Variants in PCMT1 observed in about 807,000 individuals in gnomAD.
The protein encoded by PCMT1 is protein-L-isoaspartate(D-aspartate) O-methyltransferase.
Under a neutral mutation model 29.2 loss-of-function variants are expected in PCMT1, and 9 were observed. The ratio of observed to expected loss-of-function variants is 0.31; its 90% CI spans 0.19 to 0.54. The LOEUF (loss-of-function observed/expected upper bound fraction) is 0.54. PCMT1 is among the 20% of genes least tolerant of loss of function. The pLI, the probability that PCMT1 is intolerant of heterozygous loss-of-function variation, is 0.95. For synonymous variants in PCMT1, 98 were observed against 97.5 expected (o/e 1.00, Z -0.03); for missense variants, 184 against 282.2 (o/e 0.65, Z 2.49).
intron 6 of PCMT1, among the ~76,000 whole-genome samples, chr6:149,801,620 A>G (rs767520773): frequency 4.0e-5 from 6 of 151,744 alleles, no homozygotes; most frequent in Non-Finnish European, 7.4e-5. Flanking sequence ...CTAATTTTGT[A>G]CTTTTTTAGT....
chr6:149,773,489 C>T (rs1787424830), intron 3 of PCMT1, among the ~76,000 whole-genome samples: 1 of 152,200 alleles, frequency 6.6e-6, no homozygotes, highest in Non-Finnish European at 1.5e-5. Flanking sequence ...TGCCATTCTC[C>T]TGCCTCAGCC....
chr6:149,767,687 C>G (rs908131467), intron 1 of PCMT1, among the ~76,000 whole-genome samples: 10 of 151,336 alleles, frequency 6.6e-5, no homozygotes, highest in African/African-American at 1.7e-4. Flanking sequence ...CTCCTGGACT[C>G]AAGTGATCCA....
chr6:149,799,269 G>A (rs1440700285), intron 6 of PCMT1: 2 of 152,056 alleles, frequency 1.3e-5, no homozygotes, highest in African/African-American at 4.8e-5. Context: ...AACCATGATT[G>A]CACCACTGTA....
At chr6:149,764,856 A>G (rs1345656579) in intron 1 of PCMT1, among the ~76,000 whole-genome samples, 1 of 151,574 alleles carries the variant, frequency 6.6e-6, no homozygotes, top group East Asian at 1.9e-4. Context: ...CCTGGCTAAC[A>G]CAGTGAAACC....
chr6:149,786,718 G>T (rs1307985310), intron 3 of PCMT1, among the ~76,000 whole-genome samples: 1 of 150,766 alleles, frequency 6.6e-6, no homozygotes, highest in African/African-American at 2.4e-5. Context: ...TCCCAGACGG[G>T]GCGGCGGGGC....
intron 1 of PCMT1, among the ~76,000 whole-genome samples, chr6:149,767,031 A>G (rs1317675805): frequency 6.6e-6 from 1 of 151,996 alleles, no homozygotes; most frequent in East Asian, 1.9e-4. Context: ...CAACACAGTG[A>G]AACCCTGTCT....
intron 3 of PCMT1, among the ~76,000 whole-genome samples, chr6:149,785,387 A>T (rs1419027885): frequency 6.0e-4 from 64 of 107,180 alleles, no homozygotes; most frequent in African/African-American, 9.1e-4. Context: ...TAAATGTGGT[A>T]TGTTTATTCA....
At chr6:149,806,811 C>T (rs539981986) in intron 7 of PCMT1, among the ~76,000 whole-genome samples, 36 of 152,178 alleles carry the variant, frequency 2.4e-4, no homozygotes, top group Non-Finnish European at 4.6e-4. Flanking sequence ...AGGCTGGTCT[C>T]GGACTCCTGA....
chr6:149,792,053 G>A (rs1467680401), intron 4 of PCMT1, among the ~76,000 whole-genome samples: 1 of 152,162 alleles, frequency 6.6e-6, no homozygotes, highest in Non-Finnish European at 1.5e-5. Context: ...GGTGGCTCAC[G>A]CCTGTAATCC....
intron 3 of PCMT1, among the ~76,000 whole-genome samples, chr6:149,779,150 T>G (rs1281307302): frequency 6.6e-6 from 1 of 152,154 alleles, no homozygotes; most frequent in Non-Finnish European, 1.5e-5. Context: ...TTACATTCCT[T>G]GAGGCACAGC....
At chr6:149,773,460 C>G (rs886494504) in intron 3 of PCMT1, among the ~76,000 whole-genome samples, 10 of 152,146 alleles carry the variant, frequency 6.6e-5, no homozygotes, top group Admixed American at 2.6e-4. Flanking sequence ...CTCACTGCAA[C>G]CTCCCACTTC....
intron 5 of PCMT1, chr6:149,794,722 C>T: frequency 2.3e-6 from 1 of 438,386 alleles, no homozygotes; most frequent in Non-Finnish European, 4.6e-6. Flanking sequence ...CTTGCCTTGG[C>T]CTTTGCCCTG....
rs1267757574 is a variant in PCMT1, at chr6:149,772,844, C to T, written c.161-294C>T. Among the ~76,000 whole-genome samples the T allele has an allele frequency of 4.0e-5, 6 of 151,096 alleles. No individual in the cohort carries two copies. The East Asian group carries it at 7.8e-4, about 20-fold the overall frequency. On this transcript the variant is annotated intron_variant, in intron 2 of 7. Coordinates refer to ENST00000464889, the MANE Select transcript of PCMT1 (RefSeq NM_001360452.2). ...CATCCTGGCTAACGCGGTGAAACCC[C>T]GTCTCTACTAAAAGTACAAAAAATT... is the stretch of plus-strand genomic sequence containing the variant.
chr6:149,771,396 A>G, intron 2 of PCMT1, 130 bp downstream of exon 2: 4 of 522,052 alleles, frequency 7.7e-6, no homozygotes, highest in Non-Finnish European at 1.3e-5. Context: ...TGACTCAGCA[A>G]GTTTCATAAT....
chr6:149,771,178 G>C lies in PCMT1; in HGVS notation c.72G>C (p.Lys24Asn). ...TTGTTTCAGAAAATGGAATCATCAA[G>C]ACAGATAAAGTATTTGAAGTGATGC... ...IHNLRKNGII[K>N]TDKVFEVMLA... The change falls in exon 2 of 8, where the codon AAG becomes AAC. Residue 24 changes from lysine to asparagine, a missense_variant. Physicochemically the swap from Lys to Asn is moderately conservative, Grantham distance 94. Coordinates refer to ENST00000464889, the MANE Select transcript of PCMT1 (RefSeq NM_001360452.2). The C allele has an allele frequency of 6.2e-7, 1 of 1,608,404 alleles. No homozygotes were observed. The highest frequency in any genetic ancestry group is 8.5e-7 in the Non-Finnish European group (1 of 1,175,436).
chr6:149,793,572 A>G lies in PCMT1; in HGVS notation c.321A>G (p.Ile107Met), dbSNP rs1252742962. ...AGGTTGGATGTACTGGAAAAGTCATAGGAATTGATCACATTAAAGAGCTAG... is the reference window on the plus strand; with the variant it reads ...AGGTTGGATGTACTGGAAAAGTCATGGGAATTGATCACATTAAAGAGCTAG... ...ARMVGCTGKV[I>M]GIDHIKELVD... Residue 107 changes from isoleucine to methionine, a missense_variant, in exon 5 of 8, where the codon ATA becomes ATG. Ile to Met is a conservative substitution (Grantham distance 10). Transcript: ENST00000464889. 2.0e-6 allele frequency: 3 copies of G among 1,501,874 alleles called. No individual in the cohort carries two copies. Among genetic ancestry groups the G allele is most frequent in the Non-Finnish European group, 2.6e-6 (3 of 1,132,682 alleles). The allele number at this position is 1,501,874 out of a possible 1,614,324, so 93.0% of individuals were successfully genotyped here.
intron 2 of PCMT1, among the ~76,000 whole-genome samples, chr6:149,771,642 G>A (rs1438269126): frequency 3.3e-5 from 5 of 152,034 alleles, no homozygotes; most frequent in African/African-American, 9.7e-5. Context: ...TTAACCTCCC[G>A]AGTAGCTGGG....
chr6:149,760,940 T>A (rs1336578681), intron 1 of PCMT1, among the ~76,000 whole-genome samples: 1 of 152,142 alleles, frequency 6.6e-6, no homozygotes, highest in African/African-American at 2.4e-5. Context: ...ATTGTAAGAG[T>A]TCACATAATC....
chr6:149,787,864 C>T (rs1287750437), intron 3 of PCMT1, among the ~76,000 whole-genome samples: 1 of 151,660 alleles, frequency 6.6e-6, no homozygotes, highest in East Asian at 1.9e-4. Context: ...TATTATATTT[C>T]CGTTTTTCTG....
Sources: allele counts gnomAD v4.1 joint callset (sites outside exome capture counted in the v4.1 genomes callset), GRCh38; gene constraint gnomAD v4.1.1; transcripts MANE v1.5; gene names NCBI Gene and HGNC (gene_info 2026-07-23, HGNC 2026-07-21).